THRB: variants seen among roughly 807,000 people sequenced by gnomAD.
THRB encodes the protein nuclear receptor subfamily 1 group A member 2.
In THRB, 12 loss-of-function variants were observed where a neutral mutation model predicts 47.8. The observed-to-expected ratio is 0.25, with a 90% CI of 0.16 to 0.41. The LOEUF (loss-of-function observed/expected upper bound fraction) is 0.41. Ranked by LOEUF, THRB falls within the 10% of genes least tolerant of loss-of-function variation. The probability of loss-of-function intolerance (pLI) is 1.00; values close to 1 mark genes in which losing one functional copy is unlikely to be tolerated. For synonymous variants in THRB, 218 were observed against 212.2 expected (o/e 1.03, Z -0.24); for missense variants, 348 against 589.2 (o/e 0.59, Z 4.24).
intron 5 of THRB, among the ~76,000 whole-genome samples, chr3:24,186,641 G>A (rs934799595): frequency 7.2e-5 from 11 of 152,218 alleles, no homozygotes; most frequent in African/African-American, 2.6e-4. Flanking sequence ...ATAGGTATAT[G>A]CAGGTTAAAA....
intron 3 of THRB, among the ~76,000 whole-genome samples, chr3:24,252,740 G>A (rs757202542): frequency 6.6e-6 from 1 of 151,718 alleles, no homozygotes; most frequent in Non-Finnish European, 1.5e-5. Flanking sequence ...AAAAGAATAA[G>A]AGAACATTTA....
chr3:24,471,362 T>C (rs2125766409), intron 1 of THRB, among the ~76,000 whole-genome samples: 1 of 152,352 alleles, frequency 6.6e-6, no homozygotes, highest in Non-Finnish European at 1.5e-5. Context: ...AACCATTATT[T>C]TGATGGAGCT....
intron 3 of THRB, among the ~76,000 whole-genome samples, chr3:24,253,374 T>C (rs1419814381): frequency 6.6e-6 from 1 of 152,102 alleles, no homozygotes; most frequent in East Asian, 1.9e-4. Context: ...CCCCAGACAA[T>C]GGAGATACAG....
upstream of THRB, chr3:24,495,477 T>G (rs1390295909): frequency 6.5e-6 from 1 of 152,890 alleles, no homozygotes; most frequent in African/African-American, 2.4e-5. Flanking sequence ...CGCACCTGCC[T>G]CCCCAGGTGT....
At chr3:24,219,891 C>A (rs938356153) in intron 4 of THRB, among the ~76,000 whole-genome samples, 1 of 152,200 alleles carries the variant, frequency 6.6e-6, no homozygotes, top group African/African-American at 2.4e-5. Context: ...AGTTTGAGAA[C>A]AACAGCTCTT....
At chr3:24,393,643 C>T (rs763213896) in intron 1 of THRB, among the ~76,000 whole-genome samples, 5 of 152,124 alleles carry the variant, frequency 3.3e-5, no homozygotes, top group Non-Finnish European at 7.4e-5. Context: ...AAAATAAATA[C>T]CTGCTGTTTT....
chr3:24,218,362 T>TTA (rs1553649054), intron 4 of THRB, among the ~76,000 whole-genome samples: 3,345 of 128,044 alleles, frequency 0.026, 180 homozygotes, highest in African/African-American at 0.11. Context: ...TTTTTTTTTT[T>TTA]AAAAAGAAAA....
intron 3 of THRB, among the ~76,000 whole-genome samples, chr3:24,266,068 A>G (rs115394076): frequency 6.6e-6 from 1 of 152,218 alleles, no homozygotes; most frequent in African/African-American, 2.4e-5. Flanking sequence ...AATCTTCCCT[A>G]AACTTTCAAA....
intron 5 of THRB, among the ~76,000 whole-genome samples, chr3:24,181,197 G>A (rs1397648970): frequency 6.6e-6 from 1 of 152,116 alleles, no homozygotes; most frequent in Non-Finnish European, 1.5e-5. Context: ...TTGTTTTAGG[G>A]GGCTGGTAAT....
rs139230284 is a variant in THRB at position 24,202,826 on chromosome 3, A to G, written c.23-12492T>C. Among the ~76,000 whole-genome samples, 26 of 152,312 alleles carry G rather than the reference A, an allele frequency of 1.7e-4. No homozygotes were observed. In the East Asian group the frequency reaches 4.6e-3, roughly 27 times the overall value. Reference sequence around the variant, plus strand: ...ATGTTACCCAAACTTACAGATAGTAAATAGGTAGCTACTTTCATAACACCT... The same window carrying G: ...ATGTTACCCAAACTTACAGATAGTAGATAGGTAGCTACTTTCATAACACCT... On this transcript the variant is annotated intron_variant, in intron 4 of 10. Transcript: ENST00000646209.
chr3:24,463,324 G>C (rs971583720), intron 1 of THRB, among the ~76,000 whole-genome samples: 3 of 152,190 alleles, frequency 2.0e-5, no homozygotes, highest in Non-Finnish European at 4.4e-5. Context: ...GCAGTGGTGT[G>C]ATCATAGCTC....
intron 5 of THRB, among the ~76,000 whole-genome samples, chr3:24,186,330 T>G (rs1385273229): frequency 3.3e-5 from 5 of 149,278 alleles, no homozygotes; most frequent in Non-Finnish European, 5.9e-5. Context: ...CGTCTCAGAC[T>G]GGGAAGGGAG....
At chr3:24,306,103 C>A (rs2057317578) in intron 2 of THRB, among the ~76,000 whole-genome samples, 1 of 152,026 alleles carries the variant, frequency 6.6e-6, no homozygotes. Flanking sequence ...AAATCTTTAC[C>A]CAGGCTATAT....
chr3:24,450,714 T>C (rs1335786023), intron 1 of THRB, among the ~76,000 whole-genome samples: 5 of 152,174 alleles, frequency 3.3e-5, no homozygotes, highest in Non-Finnish European at 5.9e-5. Context: ...AAGAAAAAGA[T>C]GCCAATCTAT....
intron 1 of THRB, among the ~76,000 whole-genome samples, chr3:24,479,104 C>G (rs972317031): frequency 6.6e-6 from 1 of 152,132 alleles, no homozygotes; most frequent in African/African-American, 2.4e-5. Context: ...CGAGACCATC[C>G]TGGCTAACAC....
chr3:24,284,064 G>C (rs1440485381), intron 3 of THRB, among the ~76,000 whole-genome samples: 1 of 139,600 alleles, frequency 7.2e-6, no homozygotes, highest in African/African-American at 2.6e-5. Context: ...TTTCTTCACA[G>C]AATTGGAAAA....
intron 7 of THRB, chr3:24,144,309 T>G (rs1452499282): frequency 6.3e-6 from 1 of 157,808 alleles, no homozygotes; most frequent in Non-Finnish European, 1.4e-5. Context: ...CACTGTACAT[T>G]ATTCTCTACC....
At chr3:24,470,092 T>C (rs2074447521) in intron 1 of THRB, among the ~76,000 whole-genome samples, 1 of 152,196 alleles carries the variant, frequency 6.6e-6, no homozygotes, top group African/African-American at 2.4e-5. Flanking sequence ...ATCCCATCAC[T>C]GATAGGTTTT....
rs1258279882 is a variant in THRB, at chr3:24,442,978, C to T, written c.-261+51674G>A. Among the ~76,000 whole-genome samples the T allele has an allele frequency of 4.6e-5, 7 of 152,082 alleles. No individual in the cohort carries two copies. The South Asian group carries it at 1.2e-3, about 27-fold the overall frequency. On this transcript the variant is annotated intron_variant, in intron 1 of 10. Transcript: ENST00000646209. ...CGGGTGGATCACTAGGTCAGGAGAT[C>T]GAGACCATCCTGGCCAACAATGGTG...
Sources: allele counts gnomAD v4.1 joint callset (sites outside exome capture counted in the v4.1 genomes callset), GRCh38; gene constraint gnomAD v4.1.1; transcripts MANE v1.5; gene names NCBI Gene and HGNC (gene_info 2026-07-23, HGNC 2026-07-21).